Variants in BLTP1 observed in about 807,000 individuals in gnomAD.
BLTP1 encodes the protein fragile site-associated protein.
chr4:122,334,499 C>G, the BLTP1 span: 15 of 1,612,454 alleles, frequency 9.3e-6, no homozygotes, highest in Non-Finnish European at 1.2e-5. Context: ...CTGTCCAGAG[C>G]AAGACTAACA....
At chr4:122,153,129 T>G in the BLTP1 span, 1 of 704,882 alleles carries the variant, frequency 1.4e-6, no homozygotes. Flanking sequence ...GAGAAGTTGA[T>G]TTTTCTTCCG....
chr4:122,292,791 C>T, the BLTP1 span: 1,107 of 184,644 alleles, frequency 6.0e-3, 8 homozygotes, highest in African/African-American at 0.025. Flanking sequence ...TGAGACACAT[C>T]GAAGTTATTT....
chr4:122,337,230 G>A, the BLTP1 span: 1 of 532,110 alleles, frequency 1.9e-6, no homozygotes, highest in South Asian at 2.4e-5. Flanking sequence ...TTATGATGCT[G>A]TTCTGATTAA....
At chr4:122,337,032 C>A in the BLTP1 span, 1 of 1,579,872 alleles carries the variant, frequency 6.3e-7, no homozygotes, top group Non-Finnish European at 8.6e-7. Flanking sequence ...TGACATACTT[C>A]ATTTCTTTCT....
chr4:122,284,758 GTTGTTA>G, the BLTP1 span, among the ~76,000 whole-genome samples: 2 of 152,014 alleles, frequency 1.3e-5, no homozygotes, highest in African/African-American at 4.8e-5. Context: ...TTTTGTTATC[GTTGTTA>G]TTAATCTCTT....
the BLTP1 span, among the ~76,000 whole-genome samples, chr4:122,222,190 A>G: frequency 2.6e-5 from 4 of 152,132 alleles, no homozygotes; most frequent in African/African-American, 7.2e-5. Flanking sequence ...TTTACATTCT[A>G]TAGTGTTGAC....
At chr4:122,311,770 T>C in the BLTP1 span, among the ~76,000 whole-genome samples, 4 of 152,204 alleles carry the variant, frequency 2.6e-5, no homozygotes, top group African/African-American at 7.2e-5. Context: ...ATCAGAAGTT[T>C]AGATGTCTGC....
chr4:122,178,136 G>T, the BLTP1 span: 1 of 848,108 alleles, frequency 1.2e-6, no homozygotes, highest in South Asian at 5.4e-5. Context: ...ACATGTGGAG[G>T]CATAATAAAC....
chr4:122,154,876 A>G, the BLTP1 span: 1 of 799,936 alleles, frequency 1.3e-6, no homozygotes, highest in Non-Finnish European at 1.5e-6. Context: ...CATCTCAAAA[A>G]ACAAAAATTG....
the BLTP1 span, chr4:122,220,316 A>G: frequency 6.2e-7 from 1 of 1,611,156 alleles, no homozygotes; most frequent in Non-Finnish European, 8.5e-7. Context: ...CAACTGTGCT[A>G]TTTCATTTGA....
At chr4:122,195,193 T>C in the BLTP1 span, among the ~76,000 whole-genome samples, 1 of 152,204 alleles carries the variant, frequency 6.6e-6, no homozygotes, top group Non-Finnish European at 1.5e-5. Flanking sequence ...ACTTTTGAAA[T>C]AGCATGGTTT....
chr4:122,358,904 T>G, the BLTP1 span, among the ~76,000 whole-genome samples: 3 of 152,166 alleles, frequency 2.0e-5, no homozygotes, highest in Non-Finnish European at 4.4e-5. Context: ...ATAATTATTA[T>G]AGCCAATTAA....
chr4:122,222,811 TC>T, the BLTP1 span: 1 of 170,448 alleles, frequency 5.9e-6, no homozygotes, highest in Admixed American at 6.5e-5. Flanking sequence ...TCAAAAAAGA[TC>T]ATATTCACAG....
At chr4:122,262,844 G>A in the BLTP1 span, 5 of 1,613,966 alleles carry the variant, frequency 3.1e-6, no homozygotes, top group Non-Finnish European at 4.2e-6. Context: ...GACGTGCTGG[G>A]ATGCCAGTAA....
At chr4:122,188,473 C>CT in the BLTP1 span, among the ~76,000 whole-genome samples, 3 of 152,028 alleles carry the variant, frequency 2.0e-5, no homozygotes, top group Admixed American at 1.3e-4. Context: ...TGGAATACCA[C>CT]TTTGAGTTAT....
the BLTP1 span, chr4:122,200,032 A>G: frequency 1.0e-6 from 1 of 975,360 alleles, no homozygotes; most frequent in Admixed American, 6.2e-5. Context: ...GCTGCTATGT[A>G]AAATGGTTAA....
At chr4:122,165,076 A>AT in the BLTP1 span, among the ~76,000 whole-genome samples, 13 of 149,474 alleles carry the variant, frequency 8.7e-5, no homozygotes, top group South Asian at 1.3e-3. Context: ...ATGTTGTCAC[A>AT]TTTTTTTTTT....
At chr4:122,172,107 C>G in the BLTP1 span, among the ~76,000 whole-genome samples, 1 of 151,720 alleles carries the variant, frequency 6.6e-6, no homozygotes, top group South Asian at 2.1e-4. Context: ...AATGGCAAAT[C>G]ATAGCACTTG....
chr4:122,244,085 T>A, the BLTP1 span: 18 of 1,486,764 alleles, frequency 1.2e-5, no homozygotes, highest in Admixed American at 2.1e-4. Flanking sequence ...CTCTGTGATA[T>A]GATAAGTATA....
Sources: gnomAD v4.1 joint callset for allele counts (sites outside exome capture counted in the v4.1 genomes callset) on GRCh38, gnomAD v4.1.1 for gene constraint, MANE v1.5 for transcripts, NCBI Gene and HGNC (gene_info 2026-07-23, HGNC 2026-07-21) for gene names.